The following CNTNAP2 variants were observed in gnomAD, a reference collection of about 807,000 sequenced individuals.
CNTNAP2 encodes contactin associated protein 2, also known as contactin-associated protein-like 2.
A neutral mutation model predicts 155.2 loss-of-function variants in CNTNAP2; 98 were observed. The observed-to-expected ratio is 0.63, with a 90% CI of 0.54 to 0.75. The LOEUF is 0.75. CNTNAP2 is among the 30% of genes least tolerant of loss of function. The pLI is 0.00. For missense variants in CNTNAP2, 1,727 were observed against 1,688.1 expected (o/e 1.02, Z -0.40); for synonymous variants, 651 against 631.2 (o/e 1.03, Z -0.47).
At chr7:147,104,062 G>C (rs1349495740) in intron 4 of CNTNAP2, among the ~76,000 whole-genome samples, 3 of 152,064 alleles carry the variant, frequency 2.0e-5, no homozygotes, top group African/African-American at 7.2e-5. Context: ...AGTATAATCT[G>C]TATTTGAGTG....
At chr7:146,850,282 T>G (rs2129202955) in intron 3 of CNTNAP2, among the ~76,000 whole-genome samples, 1 of 152,330 alleles carries the variant, frequency 6.6e-6, no homozygotes, top group Admixed American at 6.5e-5. Context: ...GATAAGTATC[T>G]GCATTTCTCC....
At chr7:146,894,061 T>C (rs10277633) in intron 3 of CNTNAP2, among the ~76,000 whole-genome samples, 109,723 of 152,088 alleles carry the variant, frequency 0.72, 40,413 homozygotes, top group African/African-American at 0.87. Flanking sequence ...GGTTGCTCAC[T>C]GCAGAGGTGT....
chr7:146,993,859 CA>C (rs1368365665), intron 3 of CNTNAP2, among the ~76,000 whole-genome samples: 9 of 151,906 alleles, frequency 5.9e-5, no homozygotes, highest in Non-Finnish European at 1.2e-4. Context: ...CTAGATGAAA[CA>C]AAAAAGGCTT....
At chr7:146,951,549 G>A (rs1797313498) in intron 3 of CNTNAP2, among the ~76,000 whole-genome samples, 1 of 152,058 alleles carries the variant, frequency 6.6e-6, no homozygotes, top group African/African-American at 2.4e-5. Flanking sequence ...TATTAAATAG[G>A]GAATGCTTTC....
intron 11 of CNTNAP2, among the ~76,000 whole-genome samples, chr7:147,516,618 ATGTGTG>A (rs10681580): frequency 8.0e-4 from 120 of 149,534 alleles, no homozygotes; most frequent in Middle Eastern, 3.4e-3. Context: ...GAGAGAGAGA[ATGTGTG>A]TGTGTGTGTG....
chr7:147,354,207 G>A (rs1474930264), intron 9 of CNTNAP2, among the ~76,000 whole-genome samples: 1 of 152,052 alleles, frequency 6.6e-6, no homozygotes, highest in Non-Finnish European at 1.5e-5. Context: ...TGAAGTCCTT[G>A]CCCATGCCTA....
At chr7:146,877,645 ATG>A (rs1165949326) in intron 3 of CNTNAP2, among the ~76,000 whole-genome samples, 1 of 151,770 alleles carries the variant, frequency 6.6e-6, no homozygotes, top group Non-Finnish European at 1.5e-5. Flanking sequence ...GTGTGTATAT[ATG>A]TGTATATGTA....
Position 147,515,332 on chromosome 7 carries a change from TGTTTG to T in CNTNAP2, c.1777+29292_1777+29296del, listed in dbSNP as rs1799102251. ...TAGTTCATTATATTCTTTTTTTGTT[TGTTTG>T]TTTTGAGACAAGTCTCGCTCTGTCG... On this transcript the variant is annotated intron_variant, in intron 11 of 23. Transcript: ENST00000361727. Among the ~76,000 whole-genome samples the T allele has an allele frequency of 2.8e-5, 4 of 142,214 alleles. 1 individual carries two copies. Among genetic ancestry groups the T allele is most frequent in the African/African-American group, 1.0e-4 (4 of 39,384 alleles). 93.3% of individuals were successfully genotyped at this position (142,214 alleles called of 152,430 possible). A position where few individuals can be genotyped will look rare whatever the true frequency, so the allele number is the denominator to read the frequency against.
chr7:146,782,788 T>G (rs1372062907), intron 2 of CNTNAP2, among the ~76,000 whole-genome samples: 1 of 152,140 alleles, frequency 6.6e-6, no homozygotes. Context: ...TATGTTGCAT[T>G]GAAATATTAG....
At chr7:147,756,936 T>TCTGTTAGA (rs1187589957) in intron 13 of CNTNAP2, among the ~76,000 whole-genome samples, 4 of 152,208 alleles carry the variant, frequency 2.6e-5, no homozygotes, top group Non-Finnish European at 5.9e-5. Context: ...AGTCAGTCTG[T>TCTGTTAGA]CTGTTAGACT....
intron 1 of CNTNAP2, among the ~76,000 whole-genome samples, chr7:146,476,678 A>G (rs1796881516): frequency 6.6e-6 from 1 of 152,178 alleles, no homozygotes; most frequent in Non-Finnish European, 1.5e-5. Flanking sequence ...ATTGGTTAAG[A>G]TTAAATTGAT....
At chr7:148,402,124 A>G (rs1799598302) in intron 22 of CNTNAP2, among the ~76,000 whole-genome samples, 1 of 152,214 alleles carries the variant, frequency 6.6e-6, no homozygotes, top group Non-Finnish European at 1.5e-5. Context: ...ATAGCCGATG[A>G]CGACAAATTT....
intron 14 of CNTNAP2, among the ~76,000 whole-genome samples, chr7:147,903,966 G>T (rs1314753060): frequency 6.6e-6 from 1 of 152,218 alleles, no homozygotes; most frequent in African/African-American, 2.4e-5. Context: ...ATTTTATTCA[G>T]AGAGGAAAAT....
chr7:146,700,863 CAA>C (rs1410780273), intron 1 of CNTNAP2, among the ~76,000 whole-genome samples: 4 of 152,066 alleles, frequency 2.6e-5, no homozygotes, highest in African/African-American at 9.7e-5. Context: ...TATAATCCAT[CAA>C]ATACTGCAGA....
intron 10 of CNTNAP2, among the ~76,000 whole-genome samples, chr7:147,424,984 G>C (rs2116515951): frequency 6.6e-6 from 1 of 152,206 alleles, no homozygotes; most frequent in South Asian, 2.1e-4. Flanking sequence ...TGGATGGACT[G>C]CTGCAATAAC....
At chr7:148,026,296 T>A (rs12533565) in intron 15 of CNTNAP2, among the ~76,000 whole-genome samples, 40,213 of 150,632 alleles carry the variant, frequency 0.27, 5,565 homozygotes, top group Middle Eastern at 0.34. Flanking sequence ...AAAAAAAAAA[T>A]TTTTTTTAAA....
intron 1 of CNTNAP2, among the ~76,000 whole-genome samples, chr7:146,721,003 T>A (rs928200812): frequency 2.1e-5 from 2 of 96,832 alleles, no homozygotes; most frequent in African/African-American, 1.2e-4. Context: ...ATATATAGTC[T>A]ATATATATAC....
chr7:148,354,231 TA>T (rs1445880539), intron 21 of CNTNAP2, among the ~76,000 whole-genome samples: 1 of 143,988 alleles, frequency 6.9e-6, no homozygotes, highest in Non-Finnish European at 1.5e-5. Flanking sequence ...AGTCTGGTGT[TA>T]AGCCTGTTGT....
intron 13 of CNTNAP2, among the ~76,000 whole-genome samples, chr7:147,834,379 T>C (rs1798601878): frequency 6.6e-6 from 1 of 152,216 alleles, no homozygotes; most frequent in South Asian, 2.1e-4. Context: ...CTATTGCTCT[T>C]TTGTACTTTT....
Sources: gnomAD v4.1 joint callset for allele counts (sites outside exome capture counted in the v4.1 genomes callset) on GRCh38, gnomAD v4.1.1 for gene constraint, MANE v1.5 for transcripts, NCBI Gene and HGNC (gene_info 2026-07-23, HGNC 2026-07-21) for gene names.